The following FRMD4A variants were observed in gnomAD, a reference collection of about 807,000 sequenced individuals.
FRMD4A encodes the protein FERM domain-containing protein 4A.
A neutral mutation model predicts 129.1 loss-of-function variants in FRMD4A; 29 were observed. That is an observed-to-expected ratio of 0.22 (90% CI 0.17 to 0.31). FRMD4A has a LOEUF of 0.31. Among genes scored for constraint, FRMD4A ranks in the 10% least tolerant of loss-of-function variants. The pLI is 1.00. For missense variants in FRMD4A, 1,272 were observed against 1,375.8 expected, an observed-to-expected ratio of 0.92 and a Z score of 1.19; for synonymous variants, 634 against 571.6, an observed-to-expected ratio of 1.11 and a Z score of -1.56.
intron 2 of FRMD4A, among the ~76,000 whole-genome samples, chr10:13,938,649 A>G (rs187040407): frequency 6.6e-6 from 1 of 152,332 alleles, no homozygotes; most frequent in Non-Finnish European, 1.5e-5. Flanking sequence ...AAAGCTTTAT[A>G]CAGGGCACAG....
At chr10:13,679,573 G>A (rs2084347034) in intron 15 of FRMD4A, among the ~76,000 whole-genome samples, 1 of 148,454 alleles carries the variant, frequency 6.7e-6, no homozygotes, top group South Asian at 2.2e-4. Context: ...GGGCAGCTAT[G>A]GTTGGAGGTG....
At chr10:14,021,633 G>A (rs1832759404) in intron 2 of FRMD4A, among the ~76,000 whole-genome samples, 1 of 152,066 alleles carries the variant, frequency 6.6e-6, no homozygotes, top group South Asian at 2.1e-4. Context: ...CTCTGGGGGA[G>A]GGAGAGAATT....
intron 24 of FRMD4A, chr10:13,649,694 T>G (rs2081392845): frequency 6.6e-6 from 1 of 152,364 alleles, no homozygotes; most frequent in African/African-American, 2.4e-5. Flanking sequence ...TCTTTTATTC[T>G]CAAGTCTGGG....
At chr10:14,295,693 C>T (rs1184365808) in intron 2 of FRMD4A, among the ~76,000 whole-genome samples, 1 of 152,158 alleles carries the variant, frequency 6.6e-6, no homozygotes, top group African/African-American at 2.4e-5. Flanking sequence ...CTGTGGGTGG[C>T]TGGCTCTCCC....
At chr10:14,066,687 G>A (rs925838636) in intron 2 of FRMD4A, among the ~76,000 whole-genome samples, 4 of 152,134 alleles carry the variant, frequency 2.6e-5, no homozygotes, top group Middle Eastern at 6.3e-3. Context: ...GAAGGTCAAA[G>A]CAGATTGAAA....
chr10:13,969,616 C>T (rs1018525710), intron 2 of FRMD4A, among the ~76,000 whole-genome samples: 6 of 152,066 alleles, frequency 3.9e-5, no homozygotes, highest in African/African-American at 9.7e-5. Context: ...TTTGGGAGGC[C>T]GAGGCAGGAG....
At chr10:14,185,729 G>A (rs777873197) in intron 2 of FRMD4A, among the ~76,000 whole-genome samples, 19 of 152,202 alleles carry the variant, frequency 1.2e-4, no homozygotes, top group Non-Finnish European at 1.6e-4. Flanking sequence ...CTAGAGAGAA[G>A]GGATGGCAAC....
chr10:14,135,736 T>C (rs1839499229), intron 2 of FRMD4A, among the ~76,000 whole-genome samples: 1 of 152,170 alleles, frequency 6.6e-6, no homozygotes, highest in South Asian at 2.1e-4. Flanking sequence ...TATGAAAATA[T>C]TTATCAAAAA....
At chr10:14,039,971 ATC>A (rs769302386) in intron 2 of FRMD4A, among the ~76,000 whole-genome samples, 6 of 152,318 alleles carry the variant, frequency 3.9e-5, no homozygotes, top group Non-Finnish European at 7.4e-5. Flanking sequence ...CTATCCATTT[ATC>A]TGTCATCTCA....
intron 2 of FRMD4A, among the ~76,000 whole-genome samples, chr10:13,979,285 C>T (rs375430947): frequency 6.6e-6 from 1 of 152,164 alleles, no homozygotes; most frequent in Non-Finnish European, 1.5e-5. Context: ...GGGTCCTGCT[C>T]ATAAGAAAAG....
At chr10:14,055,594 C>T (rs1834487745) in intron 2 of FRMD4A, among the ~76,000 whole-genome samples, 1 of 152,148 alleles carries the variant, frequency 6.6e-6, no homozygotes, top group African/African-American at 2.4e-5. Flanking sequence ...AGGTTAAAAA[C>T]TGTACATTAT....
In FRMD4A at chr10:13,656,916, G is replaced by A. The variant is rs749624928; in HGVS notation, c.2673C>T (p.Gly891=). Residue 891 remains glycine (G), a synonymous_variant, in exon 22 of 25, where the codon GGC becomes GGT. Coordinates refer to ENST00000357447, the MANE Select transcript of FRMD4A (RefSeq NM_018027.5). ...ESWRGGGGDE[G]DTGRLTPSRS... ...GCGACGGCGTCAGGCGGCCCGTGTC[G>A]CCCTCGTCGCCGCCGCCGCCGCGCC... is the stretch of plus-strand genomic sequence containing the variant. The A allele has an allele frequency of 4.0e-6, 6 of 1,492,346 alleles. No individual in the cohort carries two copies. The South Asian group carries it at 7.5e-5, about 19-fold the overall frequency. 92.4% of individuals were successfully genotyped at this position (1,492,346 alleles called of 1,614,324 possible).
intron 2 of FRMD4A, among the ~76,000 whole-genome samples, chr10:13,931,020 A>C (rs1255889870): frequency 6.6e-6 from 1 of 152,142 alleles, no homozygotes; most frequent in African/African-American, 2.4e-5. Flanking sequence ...CTTTCTGTAT[A>C]GATGAGATAT....
chr10:13,864,958 GTT>G (rs2131060640), intron 2 of FRMD4A, among the ~76,000 whole-genome samples: 1 of 152,218 alleles, frequency 6.6e-6, no homozygotes, highest in South Asian at 2.1e-4. Context: ...TGTTTAGAAT[GTT>G]TTTGTTTCAT....
At chr10:13,825,623 C>A (rs1282568651) in intron 3 of FRMD4A, among the ~76,000 whole-genome samples, 1 of 152,146 alleles carries the variant, frequency 6.6e-6, no homozygotes, top group Non-Finnish European at 1.5e-5. Flanking sequence ...GTCCCTTGTG[C>A]CAAAAAGCTT....
At chr10:13,737,616 A>G (rs555357400) in intron 12 of FRMD4A, among the ~76,000 whole-genome samples, 2 of 152,246 alleles carry the variant, frequency 1.3e-5, no homozygotes, top group Non-Finnish European at 2.9e-5. Context: ...TCTCACCTTA[A>G]GTAATTATAA....
chr10:14,164,513 C>T (rs1841071853), intron 2 of FRMD4A, among the ~76,000 whole-genome samples: 1 of 152,228 alleles, frequency 6.6e-6, no homozygotes. Context: ...GTGGGTTAAA[C>T]ACTAAGGTAG....
intron 2 of FRMD4A, among the ~76,000 whole-genome samples, chr10:13,907,696 T>A (rs2094896679): frequency 1.3e-5 from 2 of 152,154 alleles, no homozygotes; most frequent in African/African-American, 4.8e-5. Flanking sequence ...AGCCTCTCAC[T>A]TTAGGTGATG....
intron 12 of FRMD4A, chr10:13,707,808 C>A: frequency 1.0e-6 from 1 of 985,352 alleles, no homozygotes; most frequent in Non-Finnish European, 1.2e-6. Context: ...GCCAGAGTCT[C>A]TCCCTCAAGC....
Sources: allele counts gnomAD v4.1 joint callset (sites outside exome capture counted in the v4.1 genomes callset), GRCh38; gene constraint gnomAD v4.1.1; transcripts MANE v1.5; gene names NCBI Gene and HGNC (gene_info 2026-07-23, HGNC 2026-07-21).